YTHDC2: variants seen among roughly 807,000 people sequenced by gnomAD.
The protein encoded by YTHDC2 is YTH N6-methyladenosine RNA binding protein C2.
YTHDC2 carries 45 observed loss-of-function variants against 174.9 expected under a neutral mutation model. That is an observed-to-expected ratio of 0.26 (90% CI 0.20 to 0.33). The LOEUF (loss-of-function observed/expected upper bound fraction) is 0.33. Ranked by LOEUF, YTHDC2 falls within the 10% of genes least tolerant of loss-of-function variation. The pLI is 1.00. For missense variants in YTHDC2, 1,650 were observed against 1,723.7 expected, an observed-to-expected ratio of 0.96 and a Z score of 0.76; for synonymous variants, 657 against 574.5, an observed-to-expected ratio of 1.14 and a Z score of -2.05.
chr5:113,558,294 A>G (rs577316404), intron 17 of YTHDC2, among the ~76,000 whole-genome samples: 77 of 152,312 alleles, frequency 5.1e-4, no homozygotes, highest in African/African-American at 1.8e-3. Context: ...TGAGTATAGT[A>G]TTCTTTCAGC....
In YTHDC2 at chr5:113,517,725, A is replaced by G. The variant is rs144259692; in HGVS notation, c.278+2363A>G. On this transcript the variant is annotated intron_variant, in intron 2 of 29. Transcript: ENST00000161863. Reference sequence around the variant, plus strand: ...TTCATCTTTGAGTAAACTTTGTACTATATTTTCTTAGTGGTCCTTGTGATT... The same window carrying G: ...TTCATCTTTGAGTAAACTTTGTACTGTATTTTCTTAGTGGTCCTTGTGATT... The G allele has an allele frequency of 2.1e-3, 692 of 331,342 alleles. 7 individuals are homozygous for G. In the Admixed American group the frequency reaches 0.025, roughly 12 times the overall value. 20.5% of individuals were successfully genotyped at this position (331,342 alleles called of 1,614,324 possible). A position where few individuals can be genotyped will look rare whatever the true frequency, so the allele number is the denominator to read the frequency against.
chr5:113,589,282 T>C (rs1778857515), intron 26 of YTHDC2, among the ~76,000 whole-genome samples: 1 of 151,564 alleles, frequency 6.6e-6, no homozygotes, highest in Non-Finnish European at 1.5e-5. Context: ...TTCTACTGTT[T>C]TGTCTGTACG....
Position 113,532,995 on chromosome 5 carries a change from A to G in YTHDC2, c.792A>G (p.Arg264=). The change falls in exon 5 of 30, where the codon AGA becomes AGG. Residue 264 remains arginine (R), a synonymous_variant. Coordinates refer to ENST00000161863, the MANE Select transcript of YTHDC2 (RefSeq NM_022828.5). ...IAVAERVAAE[R]RERIGQTIGY... is the part of the protein sequence containing the mutation. The stretch of plus-strand genomic sequence containing the variant: ...TGGCTGAAAGAGTTGCCGCAGAGAG[A>G]CGGGAAAGGATTGGTCAAACAATTG... 6.2e-7 allele frequency: 1 copy of G among 1,614,194 alleles called. No homozygotes were observed.
Position 113,556,139 on chromosome 5 carries a change from T to G in YTHDC2, c.2216+5T>G, listed in dbSNP as rs750517329. ...TGCCATACAGCGGAAAGGCAGGTAATGTATATTTAATGTATATTCATTCAA... is the reference window on the plus strand; with the variant it reads ...TGCCATACAGCGGAAAGGCAGGTAAGGTATATTTAATGTATATTCATTCAA... On this transcript the variant is annotated splice_donor_5th_base_variant and intron_variant, in intron 17 of 29. Coordinates refer to ENST00000161863, the MANE Select transcript of YTHDC2 (RefSeq NM_022828.5). 7.6e-6 allele frequency: 12 copies of G among 1,582,108 alleles called. No individual in the cohort carries two copies. In the South Asian group the frequency reaches 1.4e-4, roughly 18 times the overall value.
At chr5:113,514,590 G>A (rs1366342912) in intron 1 of YTHDC2, among the ~76,000 whole-genome samples, 1 of 152,168 alleles carries the variant, frequency 6.6e-6, no homozygotes, top group African/African-American at 2.4e-5. Flanking sequence ...ATAGCCACTT[G>A]TCTTGGGTCA....
intron 24 of YTHDC2, among the ~76,000 whole-genome samples, chr5:113,580,988 A>G (rs1467221945): frequency 6.6e-6 from 1 of 152,098 alleles, no homozygotes; most frequent in Non-Finnish European, 1.5e-5. Flanking sequence ...CTCTATGTGT[A>G]TATTTTGCAA....
In YTHDC2 at chr5:113,566,971, A is replaced by G. The variant is rs957074470; in HGVS notation, c.2843-121A>G. ...TAAACAACTTTCCAGAGGAGATTCT[A>G]TTAATTATCGTGAAATTTGAATATC... On this transcript the variant is annotated intron_variant, in intron 21 of 29. Coordinates refer to ENST00000161863, the MANE Select transcript of YTHDC2 (RefSeq NM_022828.5). 19 of 1,114,538 alleles carry G rather than the reference A, an allele frequency of 1.7e-5. No homozygotes were observed. The Admixed American group carries it at 3.1e-4, about 18-fold the overall frequency. The allele number at this position is 1,114,538 out of a possible 1,614,324, so 69.0% of individuals were successfully genotyped here. A position where few individuals can be genotyped will look rare whatever the true frequency, so the allele number is the denominator to read the frequency against.
Position 113,577,362 on chromosome 5 carries a change from G to GTGTT in YTHDC2, c.3245-2201_3245-2198dup, listed in dbSNP as rs71719068. Among the ~76,000 whole-genome samples, 456 of 151,220 alleles carry GTGTT rather than the reference G, an allele frequency of 3.0e-3. 1 individual carries two copies. Among genetic ancestry groups the GTGTT allele is most frequent in the Non-Finnish European group, 4.1e-3 (278 of 67,856 alleles). On this transcript the variant is annotated intron_variant, in intron 23 of 29. Coordinates refer to ENST00000161863, the MANE Select transcript of YTHDC2 (RefSeq NM_022828.5). ...TCCTTTTGCAAACAACAGTTCTTTT[G>GTGTT]TGTTTGTTTGTTTGTTTGTTTGTTT...
intron 17 of YTHDC2, 147 bp from the exon 18 acceptor site, chr5:113,560,933 T>G: frequency 1.7e-6 from 1 of 598,078 alleles, no homozygotes; most frequent in Non-Finnish European, 2.6e-6. Flanking sequence ...CCAAAATGAT[T>G]GATAAGAGGA....
In YTHDC2 at chr5:113,542,050, T is replaced by C. The variant is rs192267866; in HGVS notation, c.1360-318T>C. The stretch of plus-strand genomic sequence containing the variant: ...TAAAAAGCTCCAGGTGATACTTCCC[T>C]TGATGTGCAGTTGGGAGAGAGAACT... On this transcript the variant is annotated intron_variant, in intron 9 of 29. Transcript: ENST00000161863. Among the ~76,000 whole-genome samples, 414 of 152,274 alleles carry C rather than the reference T, an allele frequency of 2.7e-3. 3 individuals carry two copies. Among genetic ancestry groups the C allele is most frequent in the Non-Finnish European group, 2.1e-3 (146 of 68,020 alleles).
In YTHDC2 at chr5:113,593,266, T is replaced by A. The variant is rs79818924; in HGVS notation, c.4213-37T>A. The A allele has an allele frequency of 3.8e-3, 5,916 of 1,555,728 alleles. 220 individuals carry two copies. In the African/African-American group the frequency reaches 0.072, roughly 19 times the overall value. The stretch of plus-strand genomic sequence containing the variant: ...TGGTCATTAAAAATTTTCACTCCAG[T>A]TCTTTTTATGTTTATTTTGACTTCT... On this transcript the variant is annotated intron_variant, in intron 28 of 29. Coordinates refer to ENST00000161863, the MANE Select transcript of YTHDC2 (RefSeq NM_022828.5).
chr5:113,563,343 T>TA lies in YTHDC2; in HGVS notation c.2323-24dup, dbSNP rs748943527. ...TGTAGGTTAGTATTCTTTTTAATTT[T>TA]AAAAAATTATTTACTGTTTTGGTTT... On this transcript the variant is annotated intron_variant, in intron 18 of 29. Coordinates refer to ENST00000161863, the MANE Select transcript of YTHDC2 (RefSeq NM_022828.5). 17 of 1,554,896 alleles carry TA rather than the reference T, an allele frequency of 1.1e-5. 1 individual carries two copies. In the South Asian group the frequency reaches 1.7e-4, roughly 15 times the overall value.
intron 24 of YTHDC2, among the ~76,000 whole-genome samples, chr5:113,581,048 T>C (rs1778373710): frequency 6.6e-6 from 1 of 152,158 alleles, no homozygotes; most frequent in African/African-American, 2.4e-5. Flanking sequence ...CTTAGACCTT[T>C]CTGTGAATCC....
intron 10 of YTHDC2, among the ~76,000 whole-genome samples, chr5:113,543,459 G>A (rs1023435149): frequency 6.6e-6 from 1 of 152,030 alleles, no homozygotes; most frequent in African/African-American, 2.4e-5. Context: ...TTCCCCTACT[G>A]TACATTTCAC....
At position 113,565,976 on chromosome 5, in the gene YTHDC2, C is replaced by T. The variant is rs778371209; in HGVS notation, c.2799C>T (p.Ile933=). 2.5e-6 allele frequency: 4 copies of T among 1,612,880 alleles called. No homozygotes were observed. The East Asian group carries it at 6.7e-5, about 27-fold the overall frequency. ...NFLSQATMEI[I]IGMRTQLLGQ... is the part of the protein sequence containing the mutation. ...TTTCACAGGCTACTATGGAAATAATCATAGGCATGAGAACACAGTTGCTTG... is the reference window on the plus strand; with the variant it reads ...TTTCACAGGCTACTATGGAAATAATTATAGGCATGAGAACACAGTTGCTTG... Residue 933 remains isoleucine, a synonymous_variant, in exon 21 of 30, where the codon ATC becomes ATT. Coordinates refer to ENST00000161863, the MANE Select transcript of YTHDC2 (RefSeq NM_022828.5).
chr5:113,527,411 ACAT>A (rs1774339114), intron 4 of YTHDC2, among the ~76,000 whole-genome samples: 2 of 152,250 alleles, frequency 1.3e-5, no homozygotes, highest in Non-Finnish European at 1.5e-5. Flanking sequence ...AGTAAGTATG[ACAT>A]CATATGACTC....
intron 10 of YTHDC2, among the ~76,000 whole-genome samples, chr5:113,546,950 T>C (rs1037434935): frequency 6.8e-6 from 1 of 147,074 alleles, no homozygotes; most frequent in Admixed American, 6.7e-5. Flanking sequence ...GCAGCTGGCT[T>C]CTCTGAGAGT....
chr5:113,539,272 A>T, intron 8 of YTHDC2, 91 bp downstream of exon 8: 2 of 496,822 alleles, frequency 4.0e-6, no homozygotes, highest in Non-Finnish European at 6.9e-6. Context: ...GTACAAGGAC[A>T]CTTGAAAGTG....
At chr5:113,586,565 A>T (rs576404227) in intron 26 of YTHDC2, among the ~76,000 whole-genome samples, 3 of 151,790 alleles carry the variant, frequency 2.0e-5, no homozygotes, top group African/African-American at 7.2e-5. Context: ...TTTTTTGTGT[A>T]CTAAGAAATT....
Sources: gnomAD v4.1 joint callset for allele counts (sites outside exome capture counted in the v4.1 genomes callset) on GRCh38, gnomAD v4.1.1 for gene constraint, MANE v1.5 for transcripts, NCBI Gene and HGNC (gene_info 2026-07-23, HGNC 2026-07-21) for gene names.